The following PGR variants were observed in gnomAD, a reference collection of about 807,000 sequenced individuals.
The protein encoded by PGR is progesterone receptor, also known as nuclear receptor subfamily 3 group C member 3.
A neutral mutation model predicts 76.1 loss-of-function variants in PGR; 25 were observed. The observed-to-expected ratio is 0.33, with a 90% CI of 0.24 to 0.46. The LOEUF (loss-of-function observed/expected upper bound fraction) is 0.46, where lower values mean the gene tolerates loss of function less well. Ranked by LOEUF, PGR falls within the 20% of genes least tolerant of loss-of-function variation. PGR has a pLI of 1.00. For missense variants in PGR, 1,172 were observed against 1,225.3 expected (o/e 0.96, Z 0.65); for synonymous variants, 579 against 535.0 (o/e 1.08, Z -1.14).
At chr11:101,045,366 A>G (rs1859835767) in intron 6 of PGR, among the ~76,000 whole-genome samples, 2 of 152,162 alleles carry the variant, frequency 1.3e-5, no homozygotes, top group Admixed American at 1.3e-4. Flanking sequence ...ACATGAATAT[A>G]TTGCATAGTG....
chr11:101,061,469 C>G (rs1860495211), intron 4 of PGR, among the ~76,000 whole-genome samples: 1 of 151,784 alleles, frequency 6.6e-6, no homozygotes. Context: ...TATTTCAAAC[C>G]TTTTAGGTAG....
chr11:101,050,664 A>T (rs1344758910), intron 5 of PGR, among the ~76,000 whole-genome samples: 9 of 152,142 alleles, frequency 5.9e-5, no homozygotes, highest in Admixed American at 5.9e-4. Flanking sequence ...TATAATGTCC[A>T]CATTAGTCAA....
chr11:101,129,106 C>CAGGGAGGAGGGAAAAGGGA lies in PGR; in HGVS notation c.-37_-36insTCCCTTTTCCCTCCTCCCT, dbSNP rs1555069287. The CAGGGAGGAGGGAAAAGGGA allele has an allele frequency of 7.9e-6, 10 of 1,268,868 alleles. No individual in the cohort carries two copies. The highest frequency in any genetic ancestry group is 8.0e-6 in the Non-Finnish European group (8 of 997,448). 78.6% of individuals were successfully genotyped at this position (1,268,868 alleles called of 1,614,324 possible). A position where few individuals can be genotyped will look rare whatever the true frequency, so the allele number is the denominator to read the frequency against. On this transcript the variant is annotated 5_prime_UTR_variant, in exon 1 of 8. Transcript: ENST00000325455. ...CTCCCCTTTTCTCCTCCCCCGTCTC[C>CAGGGAGGAGGGAAAAGGGA]AGGAGGAGGGAAAAGGGAAGGAGGA...
At position 101,128,019 on chromosome 11, in the gene PGR, G is replaced by C; in HGVS notation, c.1052C>G (p.Thr351Ser). The C allele has an allele frequency of 1.2e-6, 2 of 1,609,444 alleles. No homozygotes were observed. Among genetic ancestry groups the C allele is most frequent in the Non-Finnish European group, 1.7e-6 (2 of 1,179,836 alleles). The change falls in exon 1 of 8, where the codon ACC becomes AGC. Residue 351 changes from threonine (T) to serine (S), a missense_variant. Physicochemically the swap from Thr to Ser is moderately conservative, Grantham distance 58. Around this residue, in one of 4 missense-constraint regions of PGR, gnomAD observed 893 missense variants for 785.9 expected, o/e 1.14. Coordinates refer to ENST00000325455, the MANE Select transcript of PGR (RefSeq NM_000926.4). ...PPRSSPCASS[T>S]PVAVGDFPDC... ...GGGGAAGTCGCCTACAGCGACCGGG[G>C]TGGACGAGGCACAGGGTGAACTCCG...
Position 101,086,664 on chromosome 11 carries a change from T to G in PGR, c.1906+5096A>C, listed in dbSNP as rs535572208. Among the ~76,000 whole-genome samples, 73 of 152,174 alleles carry G rather than the reference T, an allele frequency of 4.8e-4. 2 individuals are homozygous for G. The highest frequency in any genetic ancestry group is 1.3e-4 in the Non-Finnish European group (9 of 68,020). ...CAAACTATCTCTCTTGCATATTACA[T>G]GATTTTATAACTAGAAAACCCTAAA... On this transcript the variant is annotated intron_variant, in intron 3 of 7. Coordinates refer to ENST00000325455, the MANE Select transcript of PGR (RefSeq NM_000926.4).
In PGR at chr11:101,036,792, T is replaced by C. The variant is rs913413639; in HGVS notation, c.*2324A>G. 6 of 192,982 alleles carry C rather than the reference T, an allele frequency of 3.1e-5. No homozygotes were observed. The highest frequency in any genetic ancestry group is 1.2e-4 in the Admixed American group (2 of 16,382). 12.0% of individuals were successfully genotyped at this position (192,982 alleles called of 1,614,324 possible). A position where few individuals can be genotyped will look rare whatever the true frequency, so the allele number is the denominator to read the frequency against. Reference sequence around the variant, plus strand: ...TCTATTCCCTCATAGTTGAGTGAAATTAGAAAATTTTAAAGTTATTATGGA... The same window carrying C: ...TCTATTCCCTCATAGTTGAGTGAAACTAGAAAATTTTAAAGTTATTATGGA... On this transcript the variant is annotated 3_prime_UTR_variant, in exon 8 of 8. Transcript: ENST00000325455.
At chr11:101,042,948 A>T (rs1565328306) in intron 6 of PGR, among the ~76,000 whole-genome samples, 1 of 152,142 alleles carries the variant, frequency 6.6e-6, no homozygotes, top group Non-Finnish European at 1.5e-5. Context: ...TTGCTGTTGG[A>T]GGGTGTTGTC....
At chr11:101,102,410 G>A (rs180746517) in intron 2 of PGR, among the ~76,000 whole-genome samples, 128 of 152,232 alleles carry the variant, frequency 8.4e-4, no homozygotes, top group Admixed American at 3.5e-3. Context: ...ACAGATATTC[G>A]CTGTACTATT....
chr11:101,127,465 G>A lies in PGR; in HGVS notation c.1606C>T (p.Gln536Ter). ...TAGTTGAGATAGGGCGGGTAGACCT[G>A]CGGCAGGCCCTCCTTGAGCACGGCG... ...QAAVLKEGLPQVYPPYLNYLR... is the reference protein window; with the variant it reads ...QAAVLKEGLP The change falls in exon 1 of 8, where the codon CAG (glutamine) becomes TAG (stop). Residue 536 changes from glutamine to a stop codon, truncating the protein, a stop_gained. Coordinates refer to ENST00000325455, the MANE Select transcript of PGR (RefSeq NM_000926.4). LOFTEE classifies it high-confidence loss of function. 1.3e-6 allele frequency: 2 copies of A among 1,560,990 alleles called. 1 individual carries two copies. Among genetic ancestry groups the A allele is most frequent in the Non-Finnish European group, 1.7e-6 (2 of 1,156,518 alleles).
In PGR at chr11:101,029,942, C is replaced by A. The variant is rs1295177352; in HGVS notation, c.*9174G>T. On this transcript the variant is annotated 3_prime_UTR_variant, in exon 8 of 8. Transcript: ENST00000325455. ...TTGTCACCCCATCACTGCCAGGGAC[C>A]CAGCCCCAGGCATACACAGATGAAA... 4.4e-6 allele frequency: 1 copy of A among 225,234 alleles called. No homozygotes were observed. Among genetic ancestry groups the A allele is most frequent in the African/African-American group, 2.2e-5 (1 of 44,898 alleles). 14.0% of individuals were successfully genotyped at this position (225,234 alleles called of 1,614,324 possible).
intron 3 of PGR, among the ~76,000 whole-genome samples, chr11:101,069,264 C>T (rs1177526697): frequency 6.6e-6 from 1 of 152,142 alleles, no homozygotes; most frequent in Non-Finnish European, 1.5e-5. Context: ...GAAAAAAGCT[C>T]ATCTTCACTG....
chr11:101,108,205 G>A (rs1374696594), intron 2 of PGR, among the ~76,000 whole-genome samples: 1 of 146,150 alleles, frequency 6.8e-6, no homozygotes, highest in South Asian at 2.2e-4. Context: ...AGTGAGCAGA[G>A]ATTGTGCCAT....
chr11:101,128,836 A>T lies in PGR; in HGVS notation c.235T>A (p.Ser79Thr). The change falls in exon 1 of 8, where the codon TCG (serine) becomes ACG (threonine). Residue 79 changes from serine (S) to threonine (T), a missense_variant. Physicochemically the swap from Ser to Thr is moderately conservative, Grantham distance 58 (BLOSUM62 1). This residue lies in a region of PGR where 893 missense variants were observed against 785.9 expected (regional missense o/e 1.14). Transcript: ENST00000325455. ...PSDEKTQDQQ[S>T]LSDVEGAYSR... ...TATGCGCCCTCCACGTCCGACAGCG[A>T]CTGCTGGTCCTGCGTCTTTTCGTCG... 6.2e-7 allele frequency: 1 copy of T among 1,614,116 alleles called. No homozygotes were observed.
chr11:101,128,725 C>A lies in PGR; in HGVS notation c.346G>T (p.Asp116Tyr). ...KDSGLLDSVL[D>Y]TLLAPSGPGQ... ...GGACCTGAGGGCGCCAACAGAGTGT[C>A]CAAGACACTGTCCAGCAGTCCGCTG... Residue 116 changes from aspartate to tyrosine, a missense_variant, in exon 1 of 8, where the codon GAC becomes TAC. Coordinates refer to ENST00000325455, the MANE Select transcript of PGR (RefSeq NM_000926.4). The A allele has an allele frequency of 6.2e-7, 1 of 1,612,244 alleles. No individual in the cohort carries two copies. Among genetic ancestry groups the A allele is most frequent in the Non-Finnish European group, 8.5e-7 (1 of 1,179,674 alleles).
In PGR at chr11:101,039,029, C is replaced by CATT. The variant is rs746182974; in HGVS notation, c.*84_*86dup. On this transcript the variant is annotated 3_prime_UTR_variant, in exon 8 of 8. Coordinates refer to ENST00000325455, the MANE Select transcript of PGR (RefSeq NM_000926.4). ...TATAAATGTAAGGCTTTCAGAAGAA[C>CATT]ATTATAAAAACTCAAGACCTCATAA... 1.2e-4 allele frequency: 116 copies of CATT among 961,578 alleles called. No homozygotes were observed. Among genetic ancestry groups the CATT allele is most frequent in the Non-Finnish European group, 1.6e-4 (95 of 611,482 alleles). 59.6% of individuals were successfully genotyped at this position (961,578 alleles called of 1,614,324 possible).
intron 3 of PGR, among the ~76,000 whole-genome samples, chr11:101,087,555 T>C (rs374729542): frequency 6.6e-6 from 1 of 152,118 alleles, no homozygotes; most frequent in African/African-American, 2.4e-5. Flanking sequence ...TCAAAAGCAA[T>C]TGAAACAAAA....
chr11:101,126,291 C>T, intron 1 of PGR, 133 bp from the exon 2 acceptor site: 2 of 811,774 alleles, frequency 2.5e-6, no homozygotes, highest in Non-Finnish European at 4.1e-6. Flanking sequence ...ACTTGAAAGA[C>T]ATGCAAACTA....
rs538326603 is a variant in PGR at position 101,074,809 on chromosome 11, C to T, written c.1907-12057G>A. Among the ~76,000 whole-genome samples, 68 of 152,088 alleles carry T rather than the reference C, an allele frequency of 4.5e-4. 3 individuals carry two copies. Among genetic ancestry groups the T allele is most frequent in the African/African-American group, 3.1e-4 (13 of 41,510 alleles). On this transcript the variant is annotated intron_variant, in intron 3 of 7. Transcript: ENST00000325455. ...CCCTTCAAGGAGAACTACAAATCAACGCTCAAGGAAATCAGAGAGGACACA... is the reference window on the plus strand; with the variant it reads ...CCCTTCAAGGAGAACTACAAATCAATGCTCAAGGAAATCAGAGAGGACACA...
At chr11:101,119,224 G>A (rs1375506220) in intron 2 of PGR, among the ~76,000 whole-genome samples, 2 of 152,312 alleles carry the variant, frequency 1.3e-5, no homozygotes, top group East Asian at 1.9e-4. Flanking sequence ...CCATGGGCCC[G>A]CACCGGACCA....
Sources: gnomAD v4.1 joint callset for allele counts (sites outside exome capture counted in the v4.1 genomes callset) on GRCh38, gnomAD v4.1.1 for gene constraint, gnomAD v4.1.1 regional missense constraint, MANE v1.5 for transcripts, NCBI Gene and HGNC (gene_info 2026-07-23, HGNC 2026-07-21) for gene names.